The following NEK10 variants were observed in gnomAD, a reference collection of about 807,000 sequenced individuals.
NEK10 encodes NIMA related kinase 10.
In NEK10, 122 loss-of-function variants were observed where a neutral mutation model predicts 159.8. The ratio of observed to expected loss-of-function variants is 0.76; its 90% CI spans 0.66 to 0.89. The LOEUF is 0.89. Among genes scored for constraint, NEK10 ranks in the 40% least tolerant of loss-of-function variants. NEK10 has a pLI of 0.00. For missense variants in NEK10, 1,342 were observed against 1,323.1 expected (o/e 1.01, Z -0.22); for synonymous variants, 466 against 457.1 (o/e 1.02, Z -0.25).
chr3:27,246,773 C>T (rs963001229), intron 23 of NEK10, among the ~76,000 whole-genome samples: 1 of 152,074 alleles, frequency 6.6e-6, no homozygotes, highest in Non-Finnish European at 1.5e-5. Context: ...ATTTTTAGCA[C>T]CACAAATTTT....
intron 23 of NEK10, 34 bp from the exon 24 acceptor site, chr3:27,202,591 G>A: frequency 6.6e-7 from 1 of 1,511,472 alleles, no homozygotes; most frequent in Non-Finnish European, 8.9e-7. Context: ...TACATGCTAA[G>A]GAAGGGAGAA....
chr3:27,142,083 C>T (rs1027765897), intron 30 of NEK10, among the ~76,000 whole-genome samples: 1 of 152,228 alleles, frequency 6.6e-6, no homozygotes, highest in Non-Finnish European at 1.5e-5. Context: ...AAATAACTTT[C>T]AAACCTTTGA....
At chr3:27,189,916 G>A (rs1429183038) in intron 26 of NEK10, among the ~76,000 whole-genome samples, 1 of 152,136 alleles carries the variant, frequency 6.6e-6, no homozygotes, top group Non-Finnish European at 1.5e-5. Context: ...TGAGGGCACT[G>A]AGGCTGGCTA....
Position 27,143,400 on chromosome 3 carries a change from CTGTGATG to C in NEK10, c.2870-1825_2870-1819del, listed in dbSNP as rs766517462. ...ACAACATGGCAAAGAGTTCTTAGATCTGTGATGACATTTTGAATGGGATATCACATAG... is the reference window on the plus strand; with the variant it reads ...ACAACATGGCAAAGAGTTCTTAGATCACATTTTGAATGGGATATCACATAG... On this transcript the variant is annotated intron_variant, in intron 30 of 35. Transcript: ENST00000691995. 7.4e-5 allele frequency: 54 copies of C among 727,600 alleles called. No homozygotes were observed. In the African/African-American group the frequency reaches 8.0e-4, roughly 11 times the overall value. The allele number at this position is 727,600 out of a possible 1,614,324, so 45.1% of individuals were successfully genotyped here.
At chr3:27,299,473 G>T (rs1394645097) in intron 13 of NEK10, among the ~76,000 whole-genome samples, 14 of 152,214 alleles carry the variant, frequency 9.2e-5, no homozygotes. Context: ...ACATCTGCTA[G>T]GGCAGTTCAG....
chr3:27,360,723 T>A (rs2149874411), intron 1 of NEK10, among the ~76,000 whole-genome samples: 1 of 152,330 alleles, frequency 6.6e-6, no homozygotes, highest in African/African-American at 2.4e-5. Context: ...TCATCCTGGT[T>A]CACTCATGTG....
intron 1 of NEK10, among the ~76,000 whole-genome samples, chr3:27,365,390 C>A (rs1168453207): frequency 6.6e-6 from 1 of 152,058 alleles, no homozygotes; most frequent in Non-Finnish European, 1.5e-5. Context: ...CTGTGTCTAT[C>A]ATAACTATTT....
intron 25 of NEK10, among the ~76,000 whole-genome samples, chr3:27,195,678 T>C (rs1425184742): frequency 6.6e-6 from 1 of 152,202 alleles, no homozygotes; most frequent in Non-Finnish European, 1.5e-5. Context: ...GTCTGCGAAA[T>C]GCTGCTTACT....
chr3:27,198,411 G>T (rs906019929), intron 25 of NEK10, among the ~76,000 whole-genome samples: 1 of 149,602 alleles, frequency 6.7e-6, no homozygotes, highest in Non-Finnish European at 1.5e-5. Flanking sequence ...AACCAAAACA[G>T]CATGGTATTG....
chr3:27,176,801 T>C (rs543108621), intron 26 of NEK10, among the ~76,000 whole-genome samples: 1 of 152,308 alleles, frequency 6.6e-6, no homozygotes, highest in African/African-American at 2.4e-5. Context: ...ACCCAAGATG[T>C]GTCAACATTA....
At position 27,322,200 on chromosome 3, in the gene NEK10, G is replaced by A; in HGVS notation, c.424C>T (p.Leu142=). 1.3e-6 allele frequency: 2 copies of A among 1,559,752 alleles called. No individual in the cohort carries two copies. Among genetic ancestry groups the A allele is most frequent in the Non-Finnish European group, 1.7e-6 (2 of 1,146,634 alleles). ...ACCTGATAACATGGATCCCTCATTAGTAGCCTCAGACAGATTAACACTCTC... is the reference window on the plus strand; with the variant it reads ...ACCTGATAACATGGATCCCTCATTAATAGCCTCAGACAGATTAACACTCTC... ...FLRVLICLRL[L]MRDPCYQEIL... Residue 142 remains leucine (L), a synonymous_variant, in exon 6 of 36, where the codon CTA becomes TTA. Coordinates refer to ENST00000691995, the MANE Select transcript of NEK10 (RefSeq NM_001394966.1).
chr3:27,257,364 G>A (rs1316025142), intron 22 of NEK10, among the ~76,000 whole-genome samples: 2 of 152,164 alleles, frequency 1.3e-5, no homozygotes, highest in Non-Finnish European at 2.9e-5. Flanking sequence ...AAGAATTCAA[G>A]TTGTTTTTCC....
At chr3:27,175,094 C>T (rs1438325656) in intron 26 of NEK10, among the ~76,000 whole-genome samples, 1 of 152,052 alleles carries the variant, frequency 6.6e-6, no homozygotes, top group Non-Finnish European at 1.5e-5. Flanking sequence ...CCCATATAAC[C>T]CAGTAGCGGG....
intron 22 of NEK10, among the ~76,000 whole-genome samples, chr3:27,281,337 G>A (rs138314813): frequency 6.6e-6 from 1 of 151,992 alleles, no homozygotes; most frequent in Non-Finnish European, 1.5e-5. Flanking sequence ...CCAGATTGAA[G>A]AGCACACGTG....
At chr3:27,295,230 G>T (rs2043274211) in intron 15 of NEK10, among the ~76,000 whole-genome samples, 2 of 152,040 alleles carry the variant, frequency 1.3e-5, no homozygotes, top group Admixed American at 1.3e-4. Flanking sequence ...TGCCATTGGT[G>T]CCCCACCCAA....
intron 29 of NEK10, among the ~76,000 whole-genome samples, chr3:27,164,208 G>A (rs939442477): frequency 2.0e-5 from 3 of 152,164 alleles, no homozygotes; most frequent in Non-Finnish European, 4.4e-5. Flanking sequence ...AGCTGATCCT[G>A]CCCTCAGAAA....
intron 29 of NEK10, among the ~76,000 whole-genome samples, chr3:27,167,653 A>G (rs1946606333): frequency 6.6e-6 from 1 of 152,234 alleles, no homozygotes; most frequent in Admixed American, 6.5e-5. Flanking sequence ...GCCCATTCTT[A>G]ATGCCTTCCT....
At chr3:27,303,837 C>A (rs1294453883) in intron 12 of NEK10, among the ~76,000 whole-genome samples, 2 of 152,032 alleles carry the variant, frequency 1.3e-5, no homozygotes, top group African/African-American at 4.8e-5. Context: ...ATTGATAAGT[C>A]CCTCTGCTTT....
chr3:27,137,072 C>A (rs1342276852), intron 31 of NEK10, among the ~76,000 whole-genome samples: 72 of 151,972 alleles, frequency 4.7e-4, no homozygotes, highest in Admixed American at 4.7e-3. Context: ...ATGTATTTTT[C>A]TTTTTTATTT....
Sources: gnomAD v4.1 joint callset for allele counts (sites outside exome capture counted in the v4.1 genomes callset) on GRCh38, gnomAD v4.1.1 for gene constraint, MANE v1.5 for transcripts, NCBI Gene and HGNC (gene_info 2026-07-23, HGNC 2026-07-21) for gene names.